The following PLCG2 variants were observed in gnomAD, a reference collection of about 807,000 sequenced individuals.
PLCG2 encodes 1-phosphatidylinositol 4,5-bisphosphate phosphodiesterase gamma-2.
In PLCG2, 69 loss-of-function variants were observed where a neutral mutation model predicts 175.6. That is an observed-to-expected ratio of 0.39 (90% CI 0.32 to 0.48). The LOEUF (loss-of-function observed/expected upper bound fraction) is 0.48. Ranked by LOEUF, PLCG2 falls within the 20% of genes least tolerant of loss-of-function variation. The pLI is 0.91. For missense variants in PLCG2, 1,798 were observed against 1,650.9 expected (o/e 1.09, Z -1.54); for synonymous variants, 827 against 624.0 (o/e 1.33, Z -4.85).
rs144532878 is a variant in PLCG2 at position 81,937,544 on chromosome 16, C to T, written c.3053-214C>T. The stretch of plus-strand genomic sequence containing the variant: ...AGTTTGAATCTTTTCTTTTATGATT[C>T]GGGATTTGGTGACATACTTGGAAAG... On this transcript the variant is annotated intron_variant, in intron 27 of 32. Transcript: ENST00000564138. 6.8e-5 allele frequency: 29 copies of T among 427,740 alleles called. No homozygotes were observed. In the East Asian group the frequency reaches 6.9e-4, roughly 10 times the overall value. 26.5% of individuals were successfully genotyped at this position (427,740 alleles called of 1,614,324 possible).
chr16:81,941,817 T>A (rs1910954014), intron 30 of PLCG2, among the ~76,000 whole-genome samples: 1 of 151,876 alleles, frequency 6.6e-6, no homozygotes, highest in Non-Finnish European at 1.5e-5. Context: ...ACTACAGGTG[T>A]ACACTACCAC....
intron 12 of PLCG2, 82 bp downstream of exon 12, chr16:81,893,876 T>C (rs1421641139): frequency 2.3e-6 from 2 of 855,390 alleles, no homozygotes; most frequent in South Asian, 2.8e-5. Context: ...TTCTTTCGAA[T>C]TGTAAAAAGG....
At chr16:81,887,638 C>G (rs1433322603) in intron 9 of PLCG2, among the ~76,000 whole-genome samples, 4 of 152,202 alleles carry the variant, frequency 2.6e-5, no homozygotes, top group Non-Finnish European at 5.9e-5. Context: ...GTCTGTTCTT[C>G]TATTTTTCAT....
At position 81,959,992 on chromosome 16, in the gene PLCG2, G is replaced by A. The variant is rs1268675302; in HGVS notation, c.*1994G>A. ...AACCTGACATATGGCGGCATAGGAA[G>A]CAGAAGCTAAGCCTCTCTCCAGCTG... On this transcript the variant is annotated 3_prime_UTR_variant, in exon 33 of 33. Transcript: ENST00000564138. 1 of 211,090 alleles carries A rather than the reference G, an allele frequency of 4.7e-6. No homozygotes were observed. Among genetic ancestry groups the A allele is most frequent in the Non-Finnish European group, 9.6e-6 (1 of 104,118 alleles). 13.1% of individuals were successfully genotyped at this position (211,090 alleles called of 1,614,324 possible).
chr16:81,924,250 A>G (rs1910171390), intron 22 of PLCG2, among the ~76,000 whole-genome samples: 1 of 152,268 alleles, frequency 6.6e-6, no homozygotes, highest in South Asian at 2.1e-4. Flanking sequence ...TCTGTCTGAG[A>G]GCAATAAGAA....
chr16:81,754,525 T>C (rs1474762630), intron 1 of PLCG2, among the ~76,000 whole-genome samples: 1 of 137,154 alleles, frequency 7.3e-6, no homozygotes, highest in Non-Finnish European at 1.5e-5. Flanking sequence ...CTTTTGCCTA[T>C]ACCTTGTACC....
chr16:81,808,013 T>G (rs1041909317), intron 2 of PLCG2, among the ~76,000 whole-genome samples: 1 of 152,202 alleles, frequency 6.6e-6, no homozygotes, highest in African/African-American at 2.4e-5. Flanking sequence ...GGGTTACAAT[T>G]CAACATGAGA....
intron 2 of PLCG2, among the ~76,000 whole-genome samples, chr16:81,760,203 C>G (rs1448885691): frequency 1.3e-5 from 2 of 152,124 alleles, no homozygotes; most frequent in Non-Finnish European, 2.9e-5. Flanking sequence ...GGCAGAGATC[C>G]AGGTCTGGAG....
intron 2 of PLCG2, among the ~76,000 whole-genome samples, chr16:81,798,289 G>T (rs1475638818): frequency 6.6e-6 from 1 of 152,176 alleles, no homozygotes; most frequent in Non-Finnish European, 1.5e-5. Context: ...TCAGGCAGCA[G>T]GTGCCTGCAT....
At chr16:81,955,970 C>T (rs566747817) in intron 31 of PLCG2, among the ~76,000 whole-genome samples, 1 of 152,306 alleles carries the variant, frequency 6.6e-6, no homozygotes, top group Non-Finnish European at 1.5e-5. Flanking sequence ...GGTTTATAGC[C>T]TATTACGTGT....
At chr16:81,799,598 ATT>A (rs35033377) in intron 2 of PLCG2, among the ~76,000 whole-genome samples, 212 of 134,606 alleles carry the variant, frequency 1.6e-3, no homozygotes, top group East Asian at 0.013. Context: ...CCTGTTATTA[ATT>A]TTTTTTTTTT....
At chr16:81,838,205 G>A (rs1310297666) in intron 2 of PLCG2, among the ~76,000 whole-genome samples, 2 of 151,758 alleles carry the variant, frequency 1.3e-5, no homozygotes, top group Non-Finnish European at 2.9e-5. Context: ...CAACCTCCCA[G>A]CTTCCCAAGC....
chr16:81,776,042 C>T (rs1164917633), upstream of PLCG2, among the ~76,000 whole-genome samples: 1 of 137,042 alleles, frequency 7.3e-6, no homozygotes, highest in African/African-American at 2.7e-5. Flanking sequence ...GCCTTTCTAC[C>T]TCATATGTCT....
intron 14 of PLCG2, among the ~76,000 whole-genome samples, chr16:81,903,760 C>T (rs73596864): frequency 0.044 from 6,711 of 152,240 alleles, 440 homozygotes; most frequent in African/African-American, 0.15. Flanking sequence ...CTCATTCCTT[C>T]TGTTTCCATT....
intron 26 of PLCG2, 50 bp from the exon 27 acceptor site, chr16:81,936,119 A>G (rs977708420): frequency 6.2e-7 from 1 of 1,601,602 alleles, no homozygotes; most frequent in Non-Finnish European, 8.5e-7. Flanking sequence ...CATTAAGAAA[A>G]TGCACAGATG....
intron 5 of PLCG2, among the ~76,000 whole-genome samples, chr16:81,865,495 C>T (rs577200015): frequency 2.2e-4 from 33 of 152,180 alleles, no homozygotes; most frequent in South Asian, 1.9e-3. Context: ...ACCAGGTGGG[C>T]TCCCATGTCC....
rs144330655 is a variant in PLCG2, at chr16:81,806,059, T to A, written c.193+19877T>A. Among the ~76,000 whole-genome samples the A allele has an allele frequency of 2.2e-4, 33 of 152,280 alleles. No homozygotes were observed. The East Asian group carries it at 6.4e-3, about 29-fold the overall frequency. ...TCCAAAGCATTATTATTTCAACATG[T>A]ATGCAATATAATTATTAACGAGATA... On this transcript the variant is annotated intron_variant, in intron 2 of 32. Coordinates refer to ENST00000564138, the MANE Select transcript of PLCG2 (RefSeq NM_002661.5).
chr16:81,910,281 A>C (rs1376789838), intron 17 of PLCG2, among the ~76,000 whole-genome samples: 2 of 152,088 alleles, frequency 1.3e-5, no homozygotes, highest in Non-Finnish European at 2.9e-5. Flanking sequence ...AGTAGAGACG[A>C]GATTTCACTG....
Position 81,960,079 on chromosome 16 carries a change from T to C in PLCG2, c.*2081T>C, listed in dbSNP as rs1911726043. The C allele has an allele frequency of 4.6e-6, 1 of 219,350 alleles. No individual in the cohort carries two copies. Among genetic ancestry groups the C allele is most frequent in the South Asian group, 1.8e-4 (1 of 5,428 alleles). 13.6% of individuals were successfully genotyped at this position (219,350 alleles called of 1,614,324 possible). A position where few individuals can be genotyped will look rare whatever the true frequency, so the allele number is the denominator to read the frequency against. ...CAGGGGATTATGACATAAATGGTGC[T>C]GGGAAGAACCCTCTGCCTAAAACTG... On this transcript the variant is annotated 3_prime_UTR_variant, in exon 33 of 33. Transcript: ENST00000564138.
Sources: gnomAD v4.1 joint callset for allele counts (sites outside exome capture counted in the v4.1 genomes callset) on GRCh38, gnomAD v4.1.1 for gene constraint, MANE v1.5 for transcripts, NCBI Gene and HGNC (gene_info 2026-07-23, HGNC 2026-07-21) for gene names.